Variants in RAPSN observed in about 807,000 individuals in gnomAD.
RAPSN encodes receptor associated protein of the synapse.
RAPSN carries 33 observed loss-of-function variants against 45.7 expected under a neutral mutation model. The observed-to-expected ratio is 0.72, with a 90% confidence interval of 0.55 to 0.97. RAPSN has a LOEUF of 0.97. RAPSN is among the 50% of genes least tolerant of loss of function. The pLI, the probability that RAPSN is intolerant of heterozygous loss-of-function variation, is 0.00. For missense variants in RAPSN, 519 were observed against 559.4 expected, an observed-to-expected ratio of 0.93 and a Z score of 0.73; for synonymous variants, 244 against 233.6, an observed-to-expected ratio of 1.04 and a Z score of -0.40.
Position 47,437,880 on chromosome 11 carries a change from G to A in RAPSN, c.*95C>T, listed in dbSNP as rs762920105. 7.4e-6 allele frequency: 11 copies of A among 1,492,334 alleles called. No homozygotes were observed. The highest frequency in any genetic ancestry group is 4.9e-5 in the East Asian group (2 of 40,642). 92.4% of individuals were successfully genotyped at this position (1,492,334 alleles called of 1,614,324 possible). On this transcript the variant is annotated 3_prime_UTR_variant, in exon 8 of 8. Coordinates refer to ENST00000298854, the MANE Select transcript of RAPSN (RefSeq NM_005055.5). ...CCAAGGCCTTGGCTATGGTGAGGACGACCTGGCAGCTGCCCCAGGAGTAAA... is the reference window on the plus strand; with the variant it reads ...CCAAGGCCTTGGCTATGGTGAGGACAACCTGGCAGCTGCCCCAGGAGTAAA...
At chr11:47,445,104 G>C (rs934884820) in intron 2 of RAPSN, among the ~76,000 whole-genome samples, 1 of 150,852 alleles carries the variant, frequency 6.6e-6, no homozygotes, top group African/African-American at 2.4e-5. Context: ...GGTGGCAGGC[G>C]CCTGTAGTCC....
intron 2 of RAPSN, among the ~76,000 whole-genome samples, chr11:47,443,786 G>A (rs1183408070): frequency 6.6e-6 from 1 of 151,614 alleles, no homozygotes; most frequent in East Asian, 1.9e-4. Flanking sequence ...AAAATCAGCT[G>A]TGCATAGTGG....
At chr11:47,448,633 T>A (rs906294704) in intron 1 of RAPSN, 140 bp downstream of exon 1, 9 of 1,070,344 alleles carry the variant, frequency 8.4e-6, no homozygotes, top group Non-Finnish European at 1.2e-5. Flanking sequence ...GGGCCTTAGA[T>A]ATAAATTCAG....
Position 47,443,624 on chromosome 11 carries a change from C to T in RAPSN, c.532-810G>A, listed in dbSNP as rs529203764. On this transcript the variant is annotated intron_variant, in intron 2 of 7. Coordinates refer to ENST00000298854, the MANE Select transcript of RAPSN (RefSeq NM_005055.5). The stretch of plus-strand genomic sequence containing the variant: ...CCACGTGCAAACATGTCTGGCATTT[C>T]TCATCTCATTTAAAAAATAAAAACT... Among the ~76,000 whole-genome samples the T allele has an allele frequency of 5.9e-5, 9 of 152,132 alleles. No homozygotes were observed. In the South Asian group the frequency reaches 1.9e-3, roughly 32 times the overall value.
chr11:47,438,011 G>A lies in RAPSN; in HGVS notation c.1203C>T (p.Asn401=), dbSNP rs757215612. The A allele has an allele frequency of 1.8e-4, 278 of 1,550,234 alleles. No homozygotes were observed. The highest frequency in any genetic ancestry group is 2.2e-4 in the Non-Finnish European group (252 of 1,146,984). Residue 401 remains asparagine (N), a synonymous_variant, in exon 8 of 8, where the codon AAC becomes AAT. Transcript: ENST00000298854. ...CAGGCTTCATGGATGAGCGGCGGCAGTTGGGACAGCTCCGGGTCCCGTTGT... is the reference window on the plus strand; with the variant it reads ...CAGGCTTCATGGATGAGCGGCGGCAATTGGGACAGCTCCGGGTCCCGTTGT... The part of the protein sequence containing the change: ...LQNNGTRSCP[N]CRRSSMKPGF...
In RAPSN at chr11:47,441,882, G is replaced by A; in HGVS notation, c.730C>T (p.Leu244=). The A allele has an allele frequency of 6.3e-7, 1 of 1,594,570 alleles. No homozygotes were observed. Among genetic ancestry groups the A allele is most frequent in the Non-Finnish European group, 8.5e-7 (1 of 1,175,122 alleles). The change falls in exon 4 of 8, where the codon CTG becomes TTG. Residue 244 remains leucine, a synonymous_variant. Coordinates refer to ENST00000298854, the MANE Select transcript of RAPSN (RefSeq NM_005055.5). ...KIALQHGDRP[L]QALCLLCFAD... The stretch of plus-strand genomic sequence containing the variant: ...AAGCAGAGCAGGCAGAGCGCCTGCA[G>A]TGGCCGGTCCCCGTGCTGCAGCGCG...
At chr11:47,439,915 G>A (rs915686279) in intron 6 of RAPSN, among the ~76,000 whole-genome samples, 1 of 151,976 alleles carries the variant, frequency 6.6e-6, no homozygotes, top group Non-Finnish European at 1.5e-5. Context: ...GTTTCACCAT[G>A]TTGGTCAGGC....
intron 7 of RAPSN, chr11:47,438,399 T>A: frequency 3.5e-6 from 2 of 572,492 alleles, no homozygotes. Context: ...CTCAGCTCAC[T>A]GCAGCCTCTG....
At position 47,441,811 on chromosome 11, in the gene RAPSN, C is replaced by T. The variant is rs747658566; in HGVS notation, c.789+12G>A. 2.0e-5 allele frequency: 31 copies of T among 1,559,854 alleles called. No homozygotes were observed. Among genetic ancestry groups the T allele is most frequent in the Admixed American group, 9.3e-5 (5 of 53,770 alleles). On this transcript the variant is annotated intron_variant, in intron 4 of 7. Coordinates refer to ENST00000298854, the MANE Select transcript of RAPSN (RefSeq NM_005055.5). Reference sequence around the variant, plus strand: ...CCCCCTGCCCCCAGCCCCTGCATCCCGGTGACCTCACCTCCAGGTCCCCAC... The same window carrying T: ...CCCCCTGCCCCCAGCCCCTGCATCCTGGTGACCTCACCTCCAGGTCCCCAC...
At chr11:47,440,188 G>A (rs765223114) in intron 6 of RAPSN, among the ~76,000 whole-genome samples, 3 of 152,182 alleles carry the variant, frequency 2.0e-5, no homozygotes, top group Non-Finnish European at 4.4e-5. Flanking sequence ...GGGGCTTGCT[G>A]TACTCACCTC....
intron 2 of RAPSN, among the ~76,000 whole-genome samples, chr11:47,443,387 G>A (rs1441420912): frequency 2.0e-5 from 3 of 152,110 alleles, no homozygotes; most frequent in Non-Finnish European, 4.4e-5. Flanking sequence ...TGATGACCTC[G>A]CCTCAACTCC....
chr11:47,447,948 G>C lies in RAPSN; in HGVS notation c.395C>G (p.Ala132Gly), dbSNP rs1388889200. 1 of 1,613,648 alleles carries C rather than the reference G, an allele frequency of 6.2e-7. No individual in the cohort carries two copies. Among genetic ancestry groups the C allele is most frequent in the South Asian group, 1.1e-5 (1 of 91,064 alleles). Residue 132 changes from alanine (A) to glycine (G), a missense_variant, in exon 2 of 8, where the codon GCC becomes GGC. Physicochemically the swap from Ala to Gly is moderately conservative, Grantham distance 60 (BLOSUM62 0). Coordinates refer to ENST00000298854, the MANE Select transcript of RAPSN (RefSeq NM_005055.5). Reference protein sequence around the residue: ...GGQVSLSMGNAFLGLSVFQKA... With the variant: ...GGQVSLSMGNGFLGLSVFQKA... Reference sequence around the variant, plus strand: ...CTGGAAGACGCTGAGGCCCAGGAAGGCATTGCCCATGCTCAGGCTGACCTG... The same window carrying C: ...CTGGAAGACGCTGAGGCCCAGGAAGCCATTGCCCATGCTCAGGCTGACCTG...
At chr11:47,448,460 C>A (rs1029225984) in intron 1 of RAPSN, among the ~76,000 whole-genome samples, 1 of 147,326 alleles carries the variant, frequency 6.8e-6, no homozygotes, top group African/African-American at 2.5e-5. Context: ...CCCCGCCAGG[C>A]TCAGACACAG....
chr11:47,441,925 C>T lies in RAPSN; in HGVS notation c.691-4G>A, dbSNP rs886048388. 4.0e-6 allele frequency: 6 copies of T among 1,508,486 alleles called. No individual in the cohort carries two copies. The highest frequency in any genetic ancestry group is 2.9e-5 in the African/African-American group (2 of 68,070). The allele number at this position is 1,508,486 out of a possible 1,614,324, so 93.4% of individuals were successfully genotyped here. A position where few individuals can be genotyped will look rare whatever the true frequency, so the allele number is the denominator to read the frequency against. Reference sequence around the variant, plus strand: ...GCAGCGCGATCTTCATAGACTCCTGCGAGGGAGGCCAGTGGCTCAGGCCTA... The same window carrying T: ...GCAGCGCGATCTTCATAGACTCCTGTGAGGGAGGCCAGTGGCTCAGGCCTA... On this transcript the variant is annotated splice_region_variant and splice_polypyrimidine_tract_variant and intron_variant, in intron 3 of 7. Coordinates refer to ENST00000298854, the MANE Select transcript of RAPSN (RefSeq NM_005055.5).
intron 2 of RAPSN, among the ~76,000 whole-genome samples, chr11:47,447,449 T>A (rs1197624940): frequency 6.6e-6 from 1 of 152,190 alleles, no homozygotes; most frequent in African/African-American, 2.4e-5. Context: ...ACAACCCCAC[T>A]GTAAGGTGAG....
chr11:47,440,039 T>G (rs1301588517), intron 6 of RAPSN, among the ~76,000 whole-genome samples: 1 of 152,172 alleles, frequency 6.6e-6, no homozygotes, highest in Non-Finnish European at 1.5e-5. Context: ...TGTTCCAATT[T>G]CAGAATATGG....
rs3847503 is a variant in RAPSN at position 47,442,967 on chromosome 11, G to A, written c.532-153C>T. On this transcript the variant is annotated intron_variant, in intron 2 of 7. Coordinates refer to ENST00000298854, the MANE Select transcript of RAPSN (RefSeq NM_005055.5). The stretch of plus-strand genomic sequence containing the variant: ...TGACATCCAGGACAAGAGTGGCCCG[G>A]TAGAGGGAACAGCCAGTGCAAAGGT... Among the ~76,000 whole-genome samples, 31,216 of 152,152 alleles carry A rather than the reference G, an allele frequency of 0.21. 3,701 individuals are homozygous for A. The highest frequency in any genetic ancestry group is 0.3 in the East Asian group (1,557 of 5,166).
Position 47,447,819 on chromosome 11 carries a change from T to G in RAPSN, c.524A>C (p.Gln175Pro). Reference protein sequence around the residue: ...VCCSLGSFYAQVKDYEKALFF... With the variant: ...VCCSLGSFYAPVKDYEKALFF... ...CCTGGGGTGCAGGCCCACCTTGACC[T>G]GGGCATAGAAGCTGCCCAGGCTGCA... The change falls in exon 2 of 8, where the codon CAG becomes CCG. Residue 175 changes from glutamine (Q) to proline (P), a missense_variant. Gln to Pro is a moderately conservative substitution (Grantham distance 76, BLOSUM62 -1). Transcript: ENST00000298854. The G allele has an allele frequency of 6.2e-7, 1 of 1,611,946 alleles. No individual in the cohort carries two copies. The highest frequency in any genetic ancestry group is 8.5e-7 in the Non-Finnish European group (1 of 1,179,216).
intron 2 of RAPSN, among the ~76,000 whole-genome samples, chr11:47,443,059 T>C (rs1043577448): frequency 4.6e-5 from 7 of 152,354 alleles, no homozygotes; most frequent in African/African-American, 7.2e-5. Context: ...GCACAGTTCT[T>C]GGCACTTGGT....
Sources: gnomAD v4.1 joint callset for allele counts (sites outside exome capture counted in the v4.1 genomes callset) on GRCh38, gnomAD v4.1.1 for gene constraint, MANE v1.5 for transcripts, NCBI Gene and HGNC (gene_info 2026-07-23, HGNC 2026-07-21) for gene names.